The following PREX2 variants were observed in gnomAD, a reference collection of about 807,000 sequenced individuals.
The protein encoded by PREX2 is phosphatidylinositol 3,4,5-trisphosphate-dependent Rac exchanger 2 protein.
PREX2 carries 107 observed loss-of-function variants against 203.2 expected under a neutral mutation model. The observed-to-expected ratio is 0.53, with a 90% CI of 0.45 to 0.62. PREX2 has a LOEUF of 0.62. Among genes scored for constraint, PREX2 ranks in the 20% least tolerant of loss-of-function variants. The pLI is 0.00. For synonymous variants in PREX2, 672 were observed against 663.6 expected (o/e 1.01, Z -0.19); for missense variants, 1,777 against 1,955.9 (o/e 0.91, Z 1.72).
intron 35 of PREX2, among the ~76,000 whole-genome samples, chr8:68,160,489 T>G (rs1266688241): frequency 6.6e-6 from 1 of 152,122 alleles, no homozygotes; most frequent in Non-Finnish European, 1.5e-5. Flanking sequence ...ACTAACACAT[T>G]TATATAAATA....
intron 6 of PREX2, among the ~76,000 whole-genome samples, chr8:68,036,121 A>G (rs532416936): frequency 3.3e-5 from 5 of 152,146 alleles, no homozygotes; most frequent in African/African-American, 1.2e-4. Flanking sequence ...ATAGGTCTGT[A>G]TATTAGCAAG....
intron 37 of PREX2, among the ~76,000 whole-genome samples, chr8:68,203,851 G>T (rs1812556138): frequency 6.6e-6 from 1 of 152,148 alleles, no homozygotes; most frequent in African/African-American, 2.4e-5. Flanking sequence ...TGATGGTCCA[G>T]TGTCAAAGAA....
At chr8:68,145,113 T>C (rs1013422537) in intron 33 of PREX2, among the ~76,000 whole-genome samples, 10 of 152,170 alleles carry the variant, frequency 6.6e-5, no homozygotes, top group Admixed American at 5.9e-4. Context: ...TAGTCTTTAT[T>C]TTAGAAATCA....
At chr8:68,007,950 C>T (rs1261178868) in intron 1 of PREX2, among the ~76,000 whole-genome samples, 2 of 152,154 alleles carry the variant, frequency 1.3e-5, no homozygotes, top group African/African-American at 4.8e-5. Context: ...ATGCTTATAG[C>T]AAGTCTATAG....
At chr8:68,063,400 TACA>T (rs1808918305) in intron 11 of PREX2, among the ~76,000 whole-genome samples, 1 of 151,946 alleles carries the variant, frequency 6.6e-6, no homozygotes, top group Non-Finnish European at 1.5e-5. Flanking sequence ...AAGGGAAGTG[TACA>T]GGCTATTAAA....
Position 68,119,524 on chromosome 8 carries a change from G to A in PREX2, c.3504+10G>A. 1.3e-6 allele frequency: 2 copies of A among 1,598,164 alleles called. No homozygotes were observed. Among genetic ancestry groups the A allele is most frequent in the Non-Finnish European group, 1.7e-6 (2 of 1,165,760 alleles). ...GCATCTTTTCAGCCAGGTACAATCG[G>A]GCATTTGTGGGGCTTTTGTTCCACA... On this transcript the variant is annotated intron_variant, in intron 28 of 39. Coordinates refer to ENST00000288368, the MANE Select transcript of PREX2 (RefSeq NM_024870.4).
At chr8:68,201,448 G>A (rs1812500224) in intron 37 of PREX2, among the ~76,000 whole-genome samples, 1 of 152,154 alleles carries the variant, frequency 6.6e-6, no homozygotes, top group South Asian at 2.1e-4. Flanking sequence ...TGAGGAGCAA[G>A]GAAGCCAGTT....
intron 7 of PREX2, among the ~76,000 whole-genome samples, chr8:68,040,727 A>C (rs528028549): frequency 9.3e-4 from 142 of 152,222 alleles, no homozygotes; most frequent in African/African-American, 2.7e-3. Flanking sequence ...CACCTTTACT[A>C]GATTAGACTG....
In PREX2 at chr8:67,989,139, GA is replaced by G. The variant is rs1054475204; in HGVS notation, c.142-28699del. On this transcript the variant is annotated intron_variant, in intron 1 of 39. Transcript: ENST00000288368. ...AGAAAAATTAATGAGGAATGGATGT[GA>G]AAAAAAAGATAGGAAAAGAAAGCTA... 1.4e-3 allele frequency among the ~76,000 whole-genome samples: 210 copies of G among 150,350 alleles called. 3 individuals are homozygous for G. Among genetic ancestry groups the G allele is most frequent in the African/African-American group, 4.7e-3 (194 of 41,012 alleles).
intron 1 of PREX2, among the ~76,000 whole-genome samples, chr8:67,989,847 C>T (rs1256510479): frequency 6.6e-6 from 1 of 152,160 alleles, no homozygotes. Flanking sequence ...ACAATTGTCT[C>T]CATATGTTTT....
At chr8:68,112,732 G>A (rs79947285) in intron 25 of PREX2, among the ~76,000 whole-genome samples, 2,739 of 152,250 alleles carry the variant, frequency 0.018, 38 homozygotes, top group Non-Finnish European at 0.028. Flanking sequence ...CAAGTTAGAT[G>A]CAGGGAGAGG....
rs111893777 is a variant in PREX2 at position 68,056,114 on chromosome 8, C to T, written c.1238+140C>T. On this transcript the variant is annotated intron_variant, in intron 10 of 39. Transcript: ENST00000288368. ...TTCTTTACAGTTGCCATTTCCTGGG[C>T]GGTAGCAGGATGAAGGAATGGACAG... The T allele has an allele frequency of 2.3e-4, 175 of 771,282 alleles. No homozygotes were observed. The African/African-American group carries it at 2.3e-3, about 10-fold the overall frequency. The allele number at this position is 771,282 out of a possible 1,614,324, so 47.8% of individuals were successfully genotyped here.
intron 1 of PREX2, among the ~76,000 whole-genome samples, chr8:67,999,495 A>AAAAAAG (rs1806875506): frequency 1.3e-5 from 2 of 150,014 alleles, no homozygotes; most frequent in Non-Finnish European, 3.0e-5. Context: ...AAAAAAAAAA[A>AAAAAAG]GCCCAGAACC....
intron 37 of PREX2, among the ~76,000 whole-genome samples, chr8:68,197,271 C>T (rs953635910): frequency 6.6e-6 from 1 of 152,008 alleles, no homozygotes; most frequent in African/African-American, 2.4e-5. Context: ...AGGGCAGGAC[C>T]AGGTGGAGGT....
chr8:68,186,523 T>A (rs966446480), intron 35 of PREX2, among the ~76,000 whole-genome samples: 1 of 152,214 alleles, frequency 6.6e-6, no homozygotes, highest in Non-Finnish European at 1.5e-5. Context: ...TTGTTTTGTT[T>A]TGTTTTTTTA....
chr8:68,170,045 G>C (rs1318781130), intron 35 of PREX2, among the ~76,000 whole-genome samples: 1 of 152,196 alleles, frequency 6.6e-6, no homozygotes, highest in African/African-American at 2.4e-5. Flanking sequence ...TTGAACATTA[G>C]CCTGAATCAT....
chr8:67,954,515 A>G (rs1805438631), intron 1 of PREX2, among the ~76,000 whole-genome samples: 1 of 152,180 alleles, frequency 6.6e-6, no homozygotes, highest in Non-Finnish European at 1.5e-5. Flanking sequence ...AGAGCTTTTA[A>G]TCTATGCAAA....
At chr8:67,957,182 C>T (rs1805515081) in intron 1 of PREX2, among the ~76,000 whole-genome samples, 1 of 152,172 alleles carries the variant, frequency 6.6e-6, no homozygotes. Flanking sequence ...TGTATGTCCC[C>T]ACTTCTCTTC....
intron 13 of PREX2, among the ~76,000 whole-genome samples, chr8:68,070,533 A>C (rs772810866): frequency 1.2e-4 from 19 of 152,002 alleles, no homozygotes; most frequent in Non-Finnish European, 2.4e-4. Context: ...ATCTTCAGGA[A>C]ATTGTACTTT....
Sources: allele counts gnomAD v4.1 joint callset (sites outside exome capture counted in the v4.1 genomes callset), GRCh38; gene constraint gnomAD v4.1.1; transcripts MANE v1.5; gene names NCBI Gene and HGNC (gene_info 2026-07-23, HGNC 2026-07-21).